The following JAKMIP3 variants were observed in gnomAD, a reference collection of about 807,000 sequenced individuals.
The protein encoded by JAKMIP3 is janus kinase and microtubule-interacting protein 3.
A neutral mutation model predicts 118.5 loss-of-function variants in JAKMIP3; 58 were observed. That is an observed-to-expected ratio of 0.49 (90% CI 0.40 to 0.61). JAKMIP3 has a LOEUF of 0.61. JAKMIP3 is among the 20% of genes least tolerant of loss of function. JAKMIP3 has a pLI of 0.00. For synonymous variants in JAKMIP3, 486 were observed against 451.2 expected (o/e 1.08, Z -0.98); for missense variants, 950 against 1,109.0 (o/e 0.86, Z 2.04).
chr10:132,181,806 G>T (rs10870269), intron 23 of JAKMIP3, among the ~76,000 whole-genome samples: 75,982 of 144,160 alleles, frequency 0.53, 20,226 homozygotes, highest in East Asian at 0.91. Context: ...CTGTCCCAGC[G>T]TGCCCTCACT....
chr10:132,124,357 G>A (rs1045300461), intron 3 of JAKMIP3, among the ~76,000 whole-genome samples: 2 of 150,878 alleles, frequency 1.3e-5, no homozygotes, highest in African/African-American at 2.4e-5. Context: ...GTGATCACAC[G>A]TCCCACCCCG....
At chr10:132,041,196 C>T (rs1287840816) in intron 1 of JAKMIP3, among the ~76,000 whole-genome samples, 1 of 152,228 alleles carries the variant, frequency 6.6e-6, no homozygotes, top group Non-Finnish European at 1.5e-5. Context: ...GCTGGGACTA[C>T]AAGTGTGTGC....
At chr10:132,068,709 G>A (rs2039336034) in intron 1 of JAKMIP3, among the ~76,000 whole-genome samples, 1 of 152,160 alleles carries the variant, frequency 6.6e-6, no homozygotes, top group Admixed American at 6.5e-5. Context: ...GCAGGCAAGG[G>A]CCATGCTTAC....
intron 3 of JAKMIP3, 98 bp from the exon 4 acceptor site, chr10:132,133,214 T>C (rs773828778): frequency 4.7e-6 from 5 of 1,070,952 alleles, no homozygotes; most frequent in Non-Finnish European, 7.0e-6. Context: ...TTGCTTCCGG[T>C]CTCAGAGCCC....
rs1053273456 is a variant in JAKMIP3, at chr10:132,137,159, C to A, written c.1248+9C>A. ...TAGATGAACTGTCTAAGGTACCCGG[C>A]GGGCTGTTTGCTGCGGCCCCGTCCT... On this transcript the variant is annotated intron_variant, in intron 7 of 23. Transcript: ENST00000684848. 8 of 1,613,816 alleles carry A rather than the reference C, an allele frequency of 5.0e-6. No homozygotes were observed. Among genetic ancestry groups the A allele is most frequent in the Non-Finnish European group, 5.9e-6 (7 of 1,179,810 alleles).
chr10:132,106,014 GATC>G (rs2045852483), intron 2 of JAKMIP3, among the ~76,000 whole-genome samples: 1 of 152,140 alleles, frequency 6.6e-6, no homozygotes, highest in Admixed American at 6.5e-5. Flanking sequence ...CGTGACACGT[GATC>G]ATCATGTGTA....
intron 1 of JAKMIP3, among the ~76,000 whole-genome samples, chr10:132,055,048 G>A (rs1232884734): frequency 1.3e-5 from 2 of 152,154 alleles, no homozygotes; most frequent in Non-Finnish European, 2.9e-5. Context: ...GGAAGGTGTT[G>A]GATGCTTTGG....
At chr10:132,099,890 G>A (rs2044560234) in intron 1 of JAKMIP3, among the ~76,000 whole-genome samples, 1 of 152,206 alleles carries the variant, frequency 6.6e-6, no homozygotes, top group Non-Finnish European at 1.5e-5. Context: ...CCTGGTGATG[G>A]TGGTCTTGAG....
intron 1 of JAKMIP3, among the ~76,000 whole-genome samples, chr10:132,101,400 G>A (rs2379226): frequency 0.17 from 26,595 of 152,092 alleles, 2,397 homozygotes; most frequent in East Asian, 0.2. Context: ...TAAATGCTAC[G>A]AACAGTGGGT....
intron 1 of JAKMIP3, among the ~76,000 whole-genome samples, chr10:132,073,982 TCCC>T (rs2040382154): frequency 6.8e-6 from 1 of 146,336 alleles, no homozygotes; most frequent in African/African-American, 2.5e-5. Flanking sequence ...TAATTTACAT[TCCC>T]ACCAGCAGCG....
chr10:132,164,831 G>A, intron 21 of JAKMIP3, 96 bp downstream of exon 21: 2 of 832,678 alleles, frequency 2.4e-6, no homozygotes, highest in South Asian at 1.5e-5. Context: ...AGGCCGTTGG[G>A]GCAGCAGACT....
At position 132,173,724 on chromosome 10, in the gene JAKMIP3, GTGTGGTGTGTCTGTGGTGGTC is replaced by G. The variant is rs1321070003; in HGVS notation, c.*1103+4704_*1103+4724del. Among the ~76,000 whole-genome samples, 262 of 126,672 alleles carry G rather than the reference GTGTGGTGTGTCTGTGGTGGTC, an allele frequency of 2.1e-3. 1 individual carries two copies. The highest frequency in any genetic ancestry group is 6.7e-3 in the African/African-American group (247 of 36,644). 83.1% of individuals were successfully genotyped at this position (126,672 alleles called of 152,430 possible). A position where few individuals can be genotyped will look rare whatever the true frequency, so the allele number is the denominator to read the frequency against. ...CTGTGGTATGTTCATGGTGGTGTGT[GTGTGGTGTGTCTGTGGTGGTC>G]TGTGGTGTGTCTCTGGTGGTCTGTG... On this transcript the variant is annotated intron_variant, in intron 23 of 23. Coordinates refer to ENST00000684848, the MANE Select transcript of JAKMIP3 (RefSeq NM_001323087.2).
chr10:132,073,600 G>A (rs115395576), intron 1 of JAKMIP3, among the ~76,000 whole-genome samples: 9 of 151,090 alleles, frequency 6.0e-5, no homozygotes, highest in South Asian at 2.1e-4. Context: ...GGGCTCAAGC[G>A]ATTCTCCTAC....
intron 2 of JAKMIP3, among the ~76,000 whole-genome samples, chr10:132,105,447 G>T (rs1041571500): frequency 6.6e-6 from 1 of 151,982 alleles, no homozygotes; most frequent in East Asian, 1.9e-4. Flanking sequence ...GGATGGGGAG[G>T]CCCACGATGG....
intron 1 of JAKMIP3, among the ~76,000 whole-genome samples, chr10:132,051,361 T>G (rs1359362915): frequency 1.4e-5 from 2 of 141,096 alleles, no homozygotes; most frequent in African/African-American, 5.3e-5. Context: ...CTGTTCTGGT[T>G]GGGGGGTACC....
chr10:132,062,749 G>A (rs373831255), upstream of JAKMIP3, among the ~76,000 whole-genome samples: 21 of 152,334 alleles, frequency 1.4e-4, no homozygotes, highest in African/African-American at 4.1e-4. Context: ...CAGAGGGACC[G>A]AGGATGGGAG....
At chr10:132,090,165 A>G (rs2042922172) in intron 1 of JAKMIP3, among the ~76,000 whole-genome samples, 2 of 152,130 alleles carry the variant, frequency 1.3e-5, no homozygotes, top group Admixed American at 6.5e-5. Context: ...TTGGTCTAAA[A>G]TTCTCTTTTT....
At position 132,069,507 on chromosome 10, in the gene JAKMIP3, CG is replaced by C. The variant is rs559909406; in HGVS notation, c.-138+3447del. 2.6e-5 allele frequency among the ~76,000 whole-genome samples: 4 copies of C among 152,172 alleles called. No homozygotes were observed. In the South Asian group the frequency reaches 8.3e-4, roughly 32 times the overall value. ...TCCTGGGTGTTTTGGTGATGAGCTCCGATGGGGAGGAGTTAGGACTTGGGCT... is the reference window on the plus strand; with the variant it reads ...TCCTGGGTGTTTTGGTGATGAGCTCCATGGGGAGGAGTTAGGACTTGGGCT... On this transcript the variant is annotated intron_variant, in intron 1 of 23. Transcript: ENST00000684848.
rs746123340 is a variant in JAKMIP3 at position 132,134,997 on chromosome 10, G to C, written c.850-44G>C. 2.2e-5 allele frequency: 36 copies of C among 1,600,838 alleles called. 1 individual carries two copies. Among genetic ancestry groups the C allele is most frequent in the African/African-American group, 1.7e-4 (13 of 74,754 alleles). On this transcript the variant is annotated intron_variant, in intron 4 of 23. Transcript: ENST00000684848. ...GCTGGGATTTGCAAAGGCTTCCCAG[G>C]CTTGTGGGTAGGAACCGTTATTTGC...
Sources: gnomAD v4.1 joint callset for allele counts (sites outside exome capture counted in the v4.1 genomes callset) on GRCh38, gnomAD v4.1.1 for gene constraint, MANE v1.5 for transcripts, NCBI Gene and HGNC (gene_info 2026-07-23, HGNC 2026-07-21) for gene names.